DHRS7: variants seen among roughly 807,000 people sequenced by gnomAD.
DHRS7 encodes dehydrogenase/reductase SDR family member 7.
Under a neutral mutation model 38.9 loss-of-function variants are expected in DHRS7, and 34 were observed. The ratio of observed to expected loss-of-function variants is 0.87; its 90% CI spans 0.66 to 1.16. The LOEUF (loss-of-function observed/expected upper bound fraction) is 1.16, where lower values mean the gene tolerates loss of function less well. DHRS7 is among the 50% of genes most tolerant of loss of function. The pLI is 0.00. For synonymous variants in DHRS7, 158 were observed against 153.1 expected, an observed-to-expected ratio of 1.03 and a Z score of -0.24; for missense variants, 421 against 407.0, an observed-to-expected ratio of 1.03 and a Z score of -0.30.
At chr14:60,167,080 T>C (rs760956443), upstream of DHRS7, among the ~76,000 whole-genome samples, 1 of 152,204 alleles carries the variant, frequency 6.6e-6, no homozygotes, top group Admixed American at 6.5e-5. Flanking sequence ...CTATAGTCAA[T>C]AATAATTTAG....
intron 1 of DHRS7, among the ~76,000 whole-genome samples, chr14:60,157,608 A>T (rs186787223): frequency 6.6e-6 from 1 of 152,334 alleles, no homozygotes; most frequent in Admixed American, 6.5e-5. Flanking sequence ...AGTTTTACAG[A>T]AAAGGTAACT....
At position 60,146,148 on chromosome 14, in the gene DHRS7, A is replaced by G. The variant is rs759855167; in HGVS notation, c.973-1135T>C. On this transcript the variant is annotated intron_variant, in intron 6 of 6. Transcript: ENST00000557185. This position sits in a 1 kb window ranked among gnomAD's most constrained non-coding sequence, Gnocchi z 4.9. ...TGCCCAGCTTATAATAAAGAGTGAC[A>G]AAGTAGTAAGACTATATAATAAGCA... The G allele has an allele frequency of 5.3e-5, 8 of 151,954 alleles. No homozygotes were observed. Among genetic ancestry groups the G allele is most frequent in the Non-Finnish European group, 1.0e-4 (7 of 67,966 alleles). The allele number at this position is 151,954 out of a possible 1,614,324, so 9.4% of individuals were successfully genotyped here. A position where few individuals can be genotyped will look rare whatever the true frequency, so the allele number is the denominator to read the frequency against.
rs1896417956 is a variant in DHRS7, at chr14:60,146,812, G to C, written c.973-1799C>G. Reference sequence around the variant, plus strand: ...CGTTAATGCTAAGTGATATAAGCAAGATACAGAAAAACAAGTACTATGTGA... The same window carrying C: ...CGTTAATGCTAAGTGATATAAGCAACATACAGAAAAACAAGTACTATGTGA... On this transcript the variant is annotated intron_variant, in intron 6 of 6. Transcript: ENST00000557185. The surrounding 1 kb of genome is among the most constrained non-coding windows in gnomAD (Gnocchi z 4.9). The C allele has an allele frequency of 6.6e-6, 1 of 152,138 alleles. No individual in the cohort carries two copies. Among genetic ancestry groups the C allele is most frequent in the Non-Finnish European group, 1.5e-5 (1 of 68,024 alleles). The allele number at this position is 152,138 out of a possible 1,614,324, so 9.4% of individuals were successfully genotyped here.
chr14:60,157,932 A>G (rs960787608), intron 1 of DHRS7, among the ~76,000 whole-genome samples: 7 of 152,150 alleles, frequency 4.6e-5, no homozygotes, highest in Non-Finnish European at 1.0e-4. Flanking sequence ...AAAAGGTTCC[A>G]TGTAAATATC....
chr14:60,159,788 G>A (rs1242385460), intron 1 of DHRS7, among the ~76,000 whole-genome samples: 1 of 152,046 alleles, frequency 6.6e-6, no homozygotes, highest in African/African-American at 2.4e-5. Flanking sequence ...GGAAAAACTG[G>A]TTTCATATTT....
Position 60,144,771 on chromosome 14 carries a change from T to G in DHRS7, c.*195A>C. ...TTTTATCCAAGAATATAGTATGAGT[T>G]AATACCTTTTTTGCAAGATTCATGG... On this transcript the variant is annotated 3_prime_UTR_variant, in exon 7 of 7. Coordinates refer to ENST00000557185, the MANE Select transcript of DHRS7 (RefSeq NM_016029.4). 4 of 585,036 alleles carry G rather than the reference T, an allele frequency of 6.8e-6. No individual in the cohort carries two copies. Among genetic ancestry groups the G allele is most frequent in the Non-Finnish European group, 1.2e-5 (4 of 334,726 alleles). 36.2% of individuals were successfully genotyped at this position (585,036 alleles called of 1,614,324 possible).
chr14:60,150,815 A>G (rs1038374431), intron 4 of DHRS7, among the ~76,000 whole-genome samples: 1 of 152,226 alleles, frequency 6.6e-6, no homozygotes, highest in African/African-American at 2.4e-5. Flanking sequence ...AGACATTCTC[A>G]GCTCTTTCCA....
At chr14:60,163,492 A>G (rs1221161997) in intron 1 of DHRS7, among the ~76,000 whole-genome samples, 2 of 152,222 alleles carry the variant, frequency 1.3e-5, no homozygotes, top group African/African-American at 4.8e-5. Flanking sequence ...TTAGATAAAT[A>G]GCAATTTATC....
Position 60,156,113 on chromosome 14 carries a change from GCTCCAGTCA to G in DHRS7, c.164_172del (p.Val55_Gly57del), listed in dbSNP as rs1353270084. The G allele has an allele frequency of 1.3e-6, 2 of 1,598,846 alleles. No homozygotes were observed. Among genetic ancestry groups the G allele is most frequent in the South Asian group, 1.1e-5 (1 of 89,026 alleles). ...CAGCTCCTCACCAATTCCACTCGAG[GCTCCAGTCA>G]CCCACACCACCATATCAGTCAGCTC... On this transcript the variant is annotated inframe_deletion, in exon 2 of 7. Transcript: ENST00000557185.
rs2140605212 is a variant in DHRS7 at position 60,157,302 on chromosome 14, C to T, written c.134-1150G>A. Among the ~76,000 whole-genome samples, 3 of 152,324 alleles carry T rather than the reference C, an allele frequency of 2.0e-5. No individual in the cohort carries two copies. The South Asian group carries it at 6.2e-4, about 32-fold the overall frequency. On this transcript the variant is annotated intron_variant, in intron 1 of 6. Transcript: ENST00000557185. ...ATGTGATGAATAAGAACACATCCTT[C>T]ACAGGATTGTTGAGAAATGAGTTAA...
chr14:60,167,317 AT>A (rs1168879823), upstream of DHRS7, among the ~76,000 whole-genome samples: 2 of 152,390 alleles, frequency 1.3e-5, no homozygotes, highest in African/African-American at 2.4e-5. Context: ...TCGGAAGTTA[AT>A]GTTAAAATGA....
In DHRS7 at chr14:60,149,368, G is replaced by T. The variant is rs1439473810; in HGVS notation, c.957C>A (p.Asn319Lys). The T allele has an allele frequency of 1.9e-6, 3 of 1,614,128 alleles. No homozygotes were observed. Among genetic ancestry groups the T allele is most frequent in the Non-Finnish European group, 2.5e-6 (3 of 1,179,984 alleles). Residue 319 changes from asparagine (N) to lysine (K), a missense_variant, in exon 6 of 7, where the codon AAC becomes AAA. Transcript: ENST00000557185. ...TNKMGKKRIE[N>K]FKSGVDADSS... is the part of the protein sequence containing the mutation. ...TTGGTCTTACCACACCACTCTTAAA[G>T]TTCTCAATCCTTTTCTTCCCCATCT... is the stretch of plus-strand genomic sequence containing the variant.
chr14:60,160,456 A>G (rs1896743004), intron 1 of DHRS7, among the ~76,000 whole-genome samples: 1 of 151,914 alleles, frequency 6.6e-6, no homozygotes, highest in African/African-American at 2.4e-5. Flanking sequence ...TAGGATGGAA[A>G]AGTACTTGGG....
Position 60,153,028 on chromosome 14 carries a change from G to T in DHRS7, c.544C>A (p.Gln182Lys). The T allele has an allele frequency of 6.2e-7, 1 of 1,614,172 alleles. No homozygotes were observed. Among genetic ancestry groups the T allele is most frequent in the African/African-American group, 1.3e-5 (1 of 75,042 alleles). ...CTATTCACAGTAACAATCTTTCCTTGCTTCCTCTCGATCATGTGAGGCAGA... is the reference window on the plus strand; with the variant it reads ...CTATTCACAGTAACAATCTTTCCTTTCTTCCTCTCGATCATGTGAGGCAGA... ...CVLPHMIERK[Q>K]GKIVTVNSIL... The change falls in exon 4 of 7, where the codon CAA (glutamine) becomes AAA (lysine). Residue 182 changes from glutamine to lysine, a missense_variant. Physicochemically the swap from Gln to Lys is moderately conservative, Grantham distance 53 (BLOSUM62 1). Transcript: ENST00000557185. This position sits in a 1 kb window ranked among gnomAD's most constrained non-coding sequence, Gnocchi z 4.4.
rs1293737263 is a variant in DHRS7, at chr14:60,152,915, A to T, written c.633+24T>A. 2.5e-6 allele frequency: 4 copies of T among 1,613,526 alleles called. No homozygotes were observed. In the South Asian group the frequency reaches 4.4e-5, roughly 18 times the overall value. On this transcript the variant is annotated intron_variant, in intron 4 of 6. Coordinates refer to ENST00000557185, the MANE Select transcript of DHRS7 (RefSeq NM_016029.4). Reference sequence around the variant, plus strand: ...TATACACATTTAAGTCAGTTCTATCAGAGTTGAGTTTGAGCAGCCTTACCC... The same window carrying T: ...TATACACATTTAAGTCAGTTCTATCTGAGTTGAGTTTGAGCAGCCTTACCC...
At chr14:60,159,886 C>G (rs1896729282) in intron 1 of DHRS7, among the ~76,000 whole-genome samples, 1 of 152,200 alleles carries the variant, frequency 6.6e-6, no homozygotes, top group African/African-American at 2.4e-5. Flanking sequence ...ATTTTCTCAG[C>G]TAGAGCTTCT....
intron 4 of DHRS7, among the ~76,000 whole-genome samples, chr14:60,151,365 TA>T (rs1896540747): frequency 6.6e-6 from 1 of 152,174 alleles, no homozygotes; most frequent in South Asian, 2.1e-4. Context: ...ACTACATTGT[TA>T]TAAGGCTGGG....
chr14:60,164,199 T>G (rs924618389), intron 1 of DHRS7, among the ~76,000 whole-genome samples: 14 of 123,526 alleles, frequency 1.1e-4, no homozygotes, highest in African/African-American at 4.9e-4. Flanking sequence ...TTTTTTTTTT[T>G]GTCCACAGGA....
chr14:60,164,434 C>G (rs1450407319), intron 1 of DHRS7, among the ~76,000 whole-genome samples: 1 of 152,104 alleles, frequency 6.6e-6, no homozygotes, highest in Non-Finnish European at 1.5e-5. Context: ...CTCTGAACAT[C>G]AGTTTCCCTA....
Sources: gnomAD v4.1 joint callset for allele counts (sites outside exome capture counted in the v4.1 genomes callset) on GRCh38, gnomAD v4.1.1 for gene constraint, Gnocchi (gnomAD v3.1) non-coding constraint, MANE v1.5 for transcripts, NCBI Gene and HGNC (gene_info 2026-07-23, HGNC 2026-07-21) for gene names.